EFCAB7: variants seen among roughly 807,000 people sequenced by gnomAD.
EFCAB7 encodes the protein EF-hand calcium binding domain 7, also known as EF-hand calcium-binding domain-containing protein 7.
EFCAB7 carries 66 observed loss-of-function variants against 77.1 expected under a neutral mutation model. The observed-to-expected ratio is 0.86, with a 90% CI of 0.70 to 1.05. EFCAB7 has a LOEUF of 1.05. Ranked by LOEUF, EFCAB7 falls within the 50% of genes least tolerant of loss-of-function variation. The pLI, the probability that EFCAB7 is intolerant of heterozygous loss-of-function variation, is 0.00. For synonymous variants in EFCAB7, 225 were observed against 243.3 expected (o/e 0.92, Z 0.70); for missense variants, 638 against 730.5 (o/e 0.87, Z 1.46).
intron 6 of EFCAB7, among the ~76,000 whole-genome samples, chr1:63,538,685 C>T (rs756897363): frequency 3.9e-5 from 6 of 152,084 alleles, no homozygotes; most frequent in Non-Finnish European, 8.8e-5. Flanking sequence ...CTCCTGACCT[C>T]GTGATCTGCC....
chr1:63,555,267 T>A, intron 8 of EFCAB7, 91 bp from the exon 9 acceptor site: 1 of 1,343,810 alleles, frequency 7.4e-7, no homozygotes, highest in Non-Finnish European at 1.0e-6. Context: ...ATTTCTAATG[T>A]GTCCCTTTCA....
intron 1 of EFCAB7, among the ~76,000 whole-genome samples, chr1:63,525,213 GAGAAT>G (rs1646565795): frequency 6.6e-6 from 1 of 152,090 alleles, no homozygotes; most frequent in Admixed American, 6.5e-5. Context: ...CGTATTTTGA[GAGAAT>G]AGATGTGTGC....
chr1:63,579,665 C>T, the EFCAB7 span, among the ~76,000 whole-genome samples: 327 of 152,294 alleles, frequency 2.1e-3, 3 homozygotes, highest in Non-Finnish European at 2.5e-3. Context: ...CTTCCAGCAG[C>T]AATGTAGGAG....
the EFCAB7 span, among the ~76,000 whole-genome samples, chr1:63,577,709 C>A: frequency 3.3e-5 from 5 of 152,002 alleles, no homozygotes; most frequent in East Asian, 9.7e-4. Flanking sequence ...GTCCTCAGGA[C>A]AAGAAAGCTA....
At chr1:63,575,055 T>A (rs1647371100), downstream of EFCAB7, among the ~76,000 whole-genome samples, 1 of 152,184 alleles carries the variant, frequency 6.6e-6, no homozygotes, top group East Asian at 1.9e-4. Flanking sequence ...ACTATTCAGT[T>A]CTGTTTACCC....
chr1:63,583,529 A>G, the EFCAB7 span, among the ~76,000 whole-genome samples: 2 of 152,114 alleles, frequency 1.3e-5, no homozygotes, highest in Non-Finnish European at 2.9e-5. Context: ...GAAGGTGTCA[A>G]TGAGGTCTAC....
intron 12 of EFCAB7, 196 bp from the exon 13 acceptor site, chr1:63,570,825 G>A: frequency 2.5e-6 from 1 of 398,764 alleles, no homozygotes; most frequent in East Asian, 4.1e-5. Context: ...AAAAGAAAAA[G>A]TTTATATAAA....
chr1:63,524,484 T>G (rs1383224294), intron 1 of EFCAB7, among the ~76,000 whole-genome samples: 7 of 152,220 alleles, frequency 4.6e-5, no homozygotes, highest in African/African-American at 1.7e-4. Context: ...ATGATCTATA[T>G]AATTCGAAAA....
intron 7 of EFCAB7, chr1:63,550,454 G>A (rs1646951423): frequency 1.3e-5 from 2 of 152,048 alleles, no homozygotes; most frequent in Admixed American, 1.3e-4. Context: ...AAGCAATGAA[G>A]TCTATTATTT....
intron 4 of EFCAB7, 85 bp from the exon 5 acceptor site, chr1:63,533,369 C>T (rs1353856284): frequency 3.1e-6 from 3 of 974,518 alleles, no homozygotes; most frequent in Non-Finnish European, 4.7e-6. Flanking sequence ...CAGTCTGTTC[C>T]TTGCCTACTA....
chr1:63,572,846 G>C (rs1647306245), downstream of EFCAB7, among the ~76,000 whole-genome samples: 1 of 152,060 alleles, frequency 6.6e-6, no homozygotes, highest in Non-Finnish European at 1.5e-5. Context: ...GACGTGGGTA[G>C]GTAAAGGAAA....
the EFCAB7 span, among the ~76,000 whole-genome samples, chr1:63,584,270 G>T: frequency 6.6e-6 from 1 of 152,178 alleles, no homozygotes; most frequent in Non-Finnish European, 1.5e-5. Flanking sequence ...AAAAATTACA[G>T]TGTAGCCGGG....
chr1:63,584,344 CAGG>C, the EFCAB7 span, among the ~76,000 whole-genome samples: 1 of 152,100 alleles, frequency 6.6e-6, no homozygotes, highest in African/African-American at 2.4e-5. Context: ...TGCTTGAGGA[CAGG>C]AGTTCAAGAT....
At chr1:63,579,996 ATTTTC>A in the EFCAB7 span, among the ~76,000 whole-genome samples, 13 of 152,130 alleles carry the variant, frequency 8.5e-5, no homozygotes, top group Admixed American at 6.5e-4. Flanking sequence ...ATTTGAAAGT[ATTTTC>A]TTCTCTTCTG....
the EFCAB7 span, among the ~76,000 whole-genome samples, chr1:63,578,068 G>C: frequency 6.6e-6 from 1 of 152,178 alleles, no homozygotes; most frequent in Non-Finnish European, 1.5e-5. Context: ...GATTAAGTTT[G>C]ACAGTGTTAG....
chr1:63,567,525 G>A (rs77031123), intron 11 of EFCAB7, among the ~76,000 whole-genome samples: 3,255 of 152,244 alleles, frequency 0.021, 124 homozygotes, highest in African/African-American at 0.074. Flanking sequence ...GAGAACAGTG[G>A]GGGAGTGAGG....
At chr1:63,582,761 T>C in the EFCAB7 span, among the ~76,000 whole-genome samples, 1 of 152,144 alleles carries the variant, frequency 6.6e-6, no homozygotes. Context: ...TATGCCACCA[T>C]GCCCAGCTAA....
intron 7 of EFCAB7, 93 bp from the exon 8 acceptor site, chr1:63,551,632 C>T: frequency 2.0e-6 from 1 of 494,054 alleles, no homozygotes; most frequent in South Asian, 7.1e-5. Context: ...AAGAAAATAT[C>T]CAAGAAGAAA....
At chr1:63,577,774 G>A in the EFCAB7 span, among the ~76,000 whole-genome samples, 4 of 152,102 alleles carry the variant, frequency 2.6e-5, no homozygotes, top group African/African-American at 7.2e-5. Flanking sequence ...CTTAATAAAT[G>A]CCAGTCATTA....
Sources: allele counts gnomAD v4.1 joint callset (sites outside exome capture counted in the v4.1 genomes callset), GRCh38; gene constraint gnomAD v4.1.1; transcripts MANE v1.5; gene names NCBI Gene and HGNC (gene_info 2026-07-23, HGNC 2026-07-21).